Variants in DNAH5 observed in about 807,000 individuals in gnomAD.
DNAH5 encodes the protein axonemal beta dynein heavy chain 5.
A neutral mutation model predicts 518.2 loss-of-function variants in DNAH5; 372 were observed. That is an observed-to-expected ratio of 0.72 (90% CI 0.66 to 0.78). The LOEUF (loss-of-function observed/expected upper bound fraction) is 0.78. Among genes scored for constraint, DNAH5 ranks in the 30% least tolerant of loss-of-function variants. DNAH5 has a pLI of 0.00. For synonymous variants in DNAH5, 2,039 were observed against 2,025.9 expected (o/e 1.01, Z -0.17); for missense variants, 5,523 against 5,687.0 (o/e 0.97, Z 0.93).
rs1475991573 is a variant in DNAH5 at position 13,790,298 on chromosome 5, A to T, written c.8449-1384T>A. Among the ~76,000 whole-genome samples the T allele has an allele frequency of 4.6e-5, 7 of 152,216 alleles. No homozygotes were observed. In the South Asian group the frequency reaches 1.4e-3, roughly 32 times the overall value. On this transcript the variant is annotated intron_variant, in intron 50 of 78. Coordinates refer to ENST00000265104, the MANE Select transcript of DNAH5 (RefSeq NM_001369.3). The stretch of plus-strand genomic sequence containing the variant: ...AATAGCAAAGACACAGAATCAACCT[A>T]AATGCTCATCAGTGGCAGATTGGAT...
intron 1 of DNAH5, among the ~76,000 whole-genome samples, chr5:13,989,222 T>C (rs1783314509): frequency 6.6e-6 from 1 of 152,128 alleles, no homozygotes. Flanking sequence ...TTCTAATGAT[T>C]CATGTGAGGA....
At chr5:13,937,344 G>T (rs537779383) in intron 1 of DNAH5, among the ~76,000 whole-genome samples, 2 of 150,902 alleles carry the variant, frequency 1.3e-5, no homozygotes, top group South Asian at 4.3e-4. Context: ...CCGATTTCCT[G>T]AGTTATATCA....
At chr5:13,829,727 G>A (rs373339673) in intron 37 of DNAH5, 23 bp from the exon 38 acceptor site, 25 of 1,602,860 alleles carry the variant, frequency 1.6e-5, no homozygotes, top group Non-Finnish European at 2.1e-5. Context: ...TAAAGCCCAA[G>A]GATGAATGAT....
In DNAH5 at chr5:13,989,831, T is replaced by C. The variant is rs550593475; in HGVS notation, c.12+21817A>G. Among the ~76,000 whole-genome samples the C allele has an allele frequency of 4.9e-4, 75 of 152,146 alleles. No homozygotes were observed. The South Asian group carries it at 0.014, about 29-fold the overall frequency. The stretch of plus-strand genomic sequence containing the variant: ...AATATTTCTGAGACTTAGAGGTAGG[T>C]TTCCAGATTTTTTTAATGTTCTTTT... On this transcript the variant is annotated intron_variant, in intron 1 of 78. Coordinates refer to the DNAH5 transcript ENST00000681290.
At chr5:13,820,824 CAAAA>C (rs70964510) in intron 40 of DNAH5, among the ~76,000 whole-genome samples, 1 of 66,504 alleles carries the variant, frequency 1.5e-5, no homozygotes. Flanking sequence ...TACTCCGTCT[CAAAA>C]AAAAAAAAAA....
chr5:13,812,745 C>A (rs1760886084), intron 43 of DNAH5, among the ~76,000 whole-genome samples: 1 of 151,976 alleles, frequency 6.6e-6, no homozygotes, highest in African/African-American at 2.4e-5. Context: ...TTTGAGAAAC[C>A]TAGTATTAAG....
intron 1 of DNAH5, among the ~76,000 whole-genome samples, chr5:13,980,988 C>T (rs1271819069): frequency 6.6e-6 from 1 of 152,204 alleles, no homozygotes; most frequent in Admixed American, 6.5e-5. Flanking sequence ...CTCAAATGCT[C>T]CCTTACCAGT....
At chr5:13,701,138 GGGAT>G in intron 77 of DNAH5, 142 bp downstream of exon 77, 2 of 1,101,536 alleles carry the variant, frequency 1.8e-6, no homozygotes, top group Non-Finnish European at 2.7e-6. Flanking sequence ...ACAACTGGCT[GGGAT>G]TTATGTACAT....
At chr5:13,917,440 T>G (rs561072482) in intron 7 of DNAH5, among the ~76,000 whole-genome samples, 184 bp from the exon 8 acceptor site, 1 of 152,228 alleles carries the variant, frequency 6.6e-6, no homozygotes, top group Non-Finnish European at 1.5e-5. Flanking sequence ...TTTGACTCAA[T>G]GTTTTAAAGC....
At chr5:13,823,890 A>C (rs796710938) in intron 39 of DNAH5, among the ~76,000 whole-genome samples, 8 of 152,340 alleles carry the variant, frequency 5.3e-5, no homozygotes, top group African/African-American at 1.7e-4. Flanking sequence ...ACCAGGCTCT[A>C]CCAGACTCCA....
chr5:13,741,279 TCA>T (rs1352246136), intron 65 of DNAH5, among the ~76,000 whole-genome samples: 1 of 152,178 alleles, frequency 6.6e-6, no homozygotes, highest in African/African-American at 2.4e-5. Flanking sequence ...CCCACCAGAC[TCA>T]CAACTCATGC....
Position 13,864,469 on chromosome 5 carries a change from A to T in DNAH5, c.4524T>A (p.Asp1508Glu). The T allele has an allele frequency of 6.2e-7, 1 of 1,614,062 alleles. No homozygotes were observed. The highest frequency in any genetic ancestry group is 8.5e-7 in the Non-Finnish European group (1 of 1,179,958). The change falls in exon 28 of 79, where the codon GAT (aspartate) becomes GAA (glutamate). Residue 1508 changes from aspartate (D) to glutamate (E), a missense_variant. Asp to Glu is a conservative substitution (Grantham distance 45). Transcript: ENST00000265104. Reference sequence around the variant, plus strand: ...TTAACTTAAAGCTTTCATTCCCCACATCCAGACTGTGCCCGGTGAGGGTGG... The same window carrying T: ...TTAACTTAAAGCTTTCATTCCCCACTTCCAGACTGTGCCCGGTGAGGGTGG... ...RITTLTGHSL[D>E]VGNESFKLRN...
chr5:13,999,319 T>C (rs1784184648), intron 1 of DNAH5, among the ~76,000 whole-genome samples: 1 of 152,250 alleles, frequency 6.6e-6, no homozygotes, highest in South Asian at 2.1e-4. Flanking sequence ...ACTCATCCTG[T>C]TTAACTGAAA....
chr5:13,974,451 C>T (rs1335402606), intron 1 of DNAH5, among the ~76,000 whole-genome samples: 1 of 152,164 alleles, frequency 6.6e-6, no homozygotes, highest in Non-Finnish European at 1.5e-5. Flanking sequence ...GAGAATATCC[C>T]TCTCTATTAT....
chr5:13,829,850 A>T, intron 37 of DNAH5, 146 bp from the exon 38 acceptor site: 2 of 1,105,120 alleles, frequency 1.8e-6, no homozygotes, highest in Non-Finnish European at 1.3e-6. Flanking sequence ...TTACCTGGAC[A>T]GGCTAAGTCA....
intron 31 of DNAH5, among the ~76,000 whole-genome samples, chr5:13,846,538 G>A (rs1033112362): frequency 6.6e-6 from 1 of 152,154 alleles, no homozygotes; most frequent in African/African-American, 2.4e-5. Context: ...TTGCTGAGTG[G>A]GGTGTCCAGG....
At chr5:13,750,889 CAT>C (rs1380044492) in intron 65 of DNAH5, among the ~76,000 whole-genome samples, 187 bp downstream of exon 65, 12 of 151,984 alleles carry the variant, frequency 7.9e-5, no homozygotes, top group African/African-American at 2.9e-4. Flanking sequence ...ATTTGTGAAA[CAT>C]ATGAGTAGAT....
At chr5:13,802,756 C>A (rs1758964278) in intron 47 of DNAH5, among the ~76,000 whole-genome samples, 1 of 152,156 alleles carries the variant, frequency 6.6e-6, no homozygotes, top group Non-Finnish European at 1.5e-5. Context: ...ATCTGCACGA[C>A]CTGCAAGGTC....
chr5:13,997,273 G>A (rs1784036199), intron 1 of DNAH5, among the ~76,000 whole-genome samples: 1 of 152,148 alleles, frequency 6.6e-6, no homozygotes, highest in Admixed American at 6.5e-5. Context: ...TAAGAGTCAA[G>A]AGAAGCCACA....
Sources: gnomAD v4.1 joint callset for allele counts (sites outside exome capture counted in the v4.1 genomes callset) on GRCh38, gnomAD v4.1.1 for gene constraint, MANE v1.5 for transcripts, NCBI Gene and HGNC (gene_info 2026-07-23, HGNC 2026-07-21) for gene names.